The following RNF214 variants were observed in gnomAD, a reference collection of about 807,000 sequenced individuals.
RNF214 encodes the protein ring finger protein 214.
RNF214 carries 25 observed loss-of-function variants against 75.9 expected under a neutral mutation model. The observed-to-expected ratio is 0.33, with a 90% confidence interval of 0.24 to 0.46. The LOEUF (loss-of-function observed/expected upper bound fraction) is 0.46. Ranked by LOEUF, RNF214 falls within the 20% of genes least tolerant of loss-of-function variation. RNF214 has a pLI of 1.00. For synonymous variants in RNF214, 314 were observed against 308.8 expected, an observed-to-expected ratio of 1.02 and a Z score of -0.18; for missense variants, 725 against 857.5, an observed-to-expected ratio of 0.85 and a Z score of 1.93.
At position 117,285,098 on chromosome 11, in the gene RNF214, T is replaced by G. The variant is rs770843187; in HGVS notation, c.2059T>G (p.Trp687Gly). Residue 687 changes from tryptophan to glycine, a missense_variant, in exon 15 of 15, where the codon TGG becomes GGG. Coordinates refer to ENST00000300650, the MANE Select transcript of RNF214 (RefSeq NM_207343.4). ...TCTTTCTTTCCAGTGTATCAAATTCTGGGCCCAGACCAACACAAATGACAC... is the reference window on the plus strand; with the variant it reads ...TCTTTCTTTCCAGTGTATCAAATTCGGGGCCCAGACCAACACAAATGACAC... ...HVLHKECIKF[W>G]AQTNTNDTCP... The G allele has an allele frequency of 6.2e-7, 1 of 1,612,006 alleles. No individual in the cohort carries two copies. The highest frequency in any genetic ancestry group is 8.5e-7 in the Non-Finnish European group (1 of 1,178,112).
At chr11:117,252,573 C>T (rs190125851) in intron 6 of RNF214, among the ~76,000 whole-genome samples, 57 of 151,634 alleles carry the variant, frequency 3.8e-4, no homozygotes, top group East Asian at 3.1e-3. Flanking sequence ...CAGGCTGGAG[C>T]GCAGTGGCGT....
In RNF214 at chr11:117,238,505, T is replaced by C. The variant is rs956805288; in HGVS notation, c.108-96T>C. On this transcript the variant is annotated intron_variant, in intron 2 of 14. Transcript: ENST00000300650. ...GGATTGAAACTAAGTTCTTTCATTA[T>C]GATAGTCGGGAGGGTTTACGTAGTC... 23 of 1,039,582 alleles carry C rather than the reference T, an allele frequency of 2.2e-5. No individual in the cohort carries two copies. In the African/African-American group the frequency reaches 3.2e-4, roughly 14 times the overall value. The allele number at this position is 1,039,582 out of a possible 1,614,324, so 64.4% of individuals were successfully genotyped here.
At position 117,253,590 on chromosome 11, in the gene RNF214, C is replaced by T. The variant is rs148486132; in HGVS notation, c.959+6642C>T. Among the ~76,000 whole-genome samples the T allele has an allele frequency of 5.5e-3, 842 of 152,212 alleles. 9 individuals carry two copies. Among genetic ancestry groups the T allele is most frequent in the African/African-American group, 0.018 (758 of 41,528 alleles). ...GGTGCGATGGCTTATGCCTGTAATC[C>T]CAGCACTTTGGGAGGCCAAGGCGGG... On this transcript the variant is annotated intron_variant, in intron 6 of 14. Coordinates refer to ENST00000300650, the MANE Select transcript of RNF214 (RefSeq NM_207343.4).
chr11:117,243,630 C>T (rs2033138593), intron 4 of RNF214, among the ~76,000 whole-genome samples: 1 of 151,948 alleles, frequency 6.6e-6, no homozygotes, highest in African/African-American at 2.4e-5. Flanking sequence ...TTTTAGTGTC[C>T]CTTTGAAAGG....
At chr11:117,235,890 A>G (rs2032893695) in intron 2 of RNF214, among the ~76,000 whole-genome samples, 1 of 152,114 alleles carries the variant, frequency 6.6e-6, no homozygotes, top group East Asian at 1.9e-4. Context: ...GAATATTTTC[A>G]GTCCATGGTT....
chr11:117,255,068 A>G (rs1413131791), intron 6 of RNF214, among the ~76,000 whole-genome samples: 1 of 152,164 alleles, frequency 6.6e-6, no homozygotes, highest in Non-Finnish European at 1.5e-5. Context: ...AGGTTTCACC[A>G]TGTTGGCCAG....
intron 6 of RNF214, among the ~76,000 whole-genome samples, chr11:117,263,398 C>T (rs989299380): frequency 1.1e-4 from 17 of 151,942 alleles, no homozygotes; most frequent in Non-Finnish European, 1.9e-4. Context: ...GCCTCAGCCC[C>T]GCAAGTGGCT....
intron 6 of RNF214, among the ~76,000 whole-genome samples, chr11:117,265,248 T>G (rs146324241): frequency 3.0e-4 from 46 of 152,292 alleles, no homozygotes; most frequent in African/African-American, 7.0e-4. Context: ...TTTGGTCGTC[T>G]TCTTCCTTCC....
At position 117,282,280 on chromosome 11, in the gene RNF214, T is replaced by G. The variant is rs762087998; in HGVS notation, c.1712+10T>G. ...TCCCACAGTGCAATAAGTAAGTACC[T>G]TCAAGGACTGATTCAGATGTCTCTA... On this transcript the variant is annotated intron_variant, in intron 11 of 14. Transcript: ENST00000300650. 4 of 1,582,640 alleles carry G rather than the reference T, an allele frequency of 2.5e-6. No individual in the cohort carries two copies. In the African/African-American group the frequency reaches 4.1e-5, roughly 16 times the overall value.
At chr11:117,266,350 TTTTC>T (rs1199399954) in intron 6 of RNF214, among the ~76,000 whole-genome samples, 5 of 152,074 alleles carry the variant, frequency 3.3e-5, no homozygotes, top group African/African-American at 4.8e-5. Context: ...ACTTATGAAA[TTTTC>T]TTTCTTTCTT....
chr11:117,240,303 G>C (rs1195648673), intron 4 of RNF214, among the ~76,000 whole-genome samples: 3 of 150,858 alleles, frequency 2.0e-5, no homozygotes, highest in Non-Finnish European at 4.4e-5. Flanking sequence ...CTGAGCCAAG[G>C]AGGTCGAGGC....
intron 6 of RNF214, among the ~76,000 whole-genome samples, chr11:117,247,598 A>G (rs968934164): frequency 6.6e-5 from 10 of 152,182 alleles, no homozygotes; most frequent in African/African-American, 2.2e-4. Context: ...CACGCCTGTA[A>G]TCCCAGCACC....
chr11:117,257,210 G>C (rs1242886622), intron 6 of RNF214, among the ~76,000 whole-genome samples: 1 of 152,074 alleles, frequency 6.6e-6, no homozygotes, highest in East Asian at 1.9e-4. Context: ...GTTGGTGTGT[G>C]CCTGTAGTCC....
At chr11:117,272,118 T>C (rs12282992) in intron 6 of RNF214, among the ~76,000 whole-genome samples, 3,858 of 152,156 alleles carry the variant, frequency 0.025, 144 homozygotes, top group African/African-American at 0.087. Context: ...TGTAGCTACT[T>C]GGGAGGCTGA....
intron 2 of RNF214, among the ~76,000 whole-genome samples, chr11:117,237,114 C>T (rs1204883907): frequency 6.6e-6 from 1 of 152,208 alleles, no homozygotes; most frequent in Non-Finnish European, 1.5e-5. Flanking sequence ...GGGTCTCCAT[C>T]TGTCATCCAG....
chr11:117,264,332 A>G (rs1441970013), intron 6 of RNF214, among the ~76,000 whole-genome samples: 1 of 152,148 alleles, frequency 6.6e-6, no homozygotes, highest in Non-Finnish European at 1.5e-5. Context: ...CAAAAAAAAA[A>G]GAAAATTGTT....
chr11:117,235,081 T>C (rs1048270696), intron 2 of RNF214, among the ~76,000 whole-genome samples: 1 of 152,258 alleles, frequency 6.6e-6, no homozygotes, highest in African/African-American at 2.4e-5. Context: ...GTAAATGTTA[T>C]GTAAATAGTT....
At chr11:117,244,353 A>C in intron 4 of RNF214, 92 bp from the exon 5 acceptor site, 1 of 960,298 alleles carries the variant, frequency 1.0e-6, no homozygotes, top group Non-Finnish European at 1.6e-6. Flanking sequence ...TAGTGCGGTC[A>C]TAGAGCTCTA....
intron 4 of RNF214, 119 bp downstream of exon 4, chr11:117,239,979 C>T (rs191058300): frequency 6.0e-5 from 37 of 620,850 alleles, no homozygotes; most frequent in Middle Eastern, 6.1e-4. Context: ...GACAGATGGT[C>T]AGGTGACTTT....
Sources: gnomAD v4.1 joint callset for allele counts (sites outside exome capture counted in the v4.1 genomes callset) on GRCh38, gnomAD v4.1.1 for gene constraint, MANE v1.5 for transcripts, NCBI Gene and HGNC (gene_info 2026-07-23, HGNC 2026-07-21) for gene names.